Variants in SULF1 observed in about 807,000 individuals in gnomAD.
The protein encoded by SULF1 is extracellular sulfatase Sulf-1.
In SULF1, 46 loss-of-function variants were observed where a neutral mutation model predicts 110.5. The ratio of observed to expected loss-of-function variants is 0.42; its 90% CI spans 0.33 to 0.53. The LOEUF is 0.53. Among genes scored for constraint, SULF1 ranks in the 20% least tolerant of loss-of-function variants. The pLI is 0.12. For synonymous variants in SULF1, 371 were observed against 387.1 expected, an observed-to-expected ratio of 0.96 and a Z score of 0.49; for missense variants, 941 against 1,094.2, an observed-to-expected ratio of 0.86 and a Z score of 1.98.
intron 3 of SULF1, among the ~76,000 whole-genome samples, chr8:69,522,821 T>G (rs1401799818): frequency 2.0e-5 from 3 of 152,258 alleles, no homozygotes; most frequent in Middle Eastern, 3.4e-3. Context: ...ATTGGATTTA[T>G]CCATTGGAGG....
In SULF1 at chr8:69,640,808, G is replaced by A. The variant is rs868388161; in HGVS notation, c.2552G>A (p.Gly851Glu). Residue 851 changes from glycine to glutamate, a missense_variant and splice_region_variant, in exon 22 of 23, where the codon GGA becomes GAA. Gly to Glu is a moderately conservative substitution (Grantham distance 98). This residue lies in a region of SULF1 where 112 missense variants were observed against 133.5 expected (regional missense o/e 0.84). Coordinates refer to ENST00000402687, the MANE Select transcript of SULF1 (RefSeq NM_001128205.2). ...CNPRPKNLDV[G>E]NKDGGSYDLH... ...TTACTCTTGTATTTTCCTATATCAG[G>A]AAATAAAGATGGAGGAAGCTATGAC... 2 of 1,610,930 alleles carry A rather than the reference G, an allele frequency of 1.2e-6. No individual in the cohort carries two copies. The highest frequency in any genetic ancestry group is 1.1e-5 in the South Asian group (1 of 90,448).
At position 69,624,068 on chromosome 8, in the gene SULF1, C is replaced by G. The variant is rs199742300; in HGVS notation, c.1721C>G (p.Ala574Gly). Residue 574 changes from alanine (A) to glycine (G), a missense_variant, in exon 15 of 23, where the codon GCT (alanine) becomes GGT (glycine). Transcript: ENST00000402687. ...ELQVLQPRNI[A>G]KRHDEGHKGP... ...CAAGTGTTGCAACCAAGAAACATTGCTAAGCGTCATGATGAAGGCCACAAG... is the reference window on the plus strand; with the variant it reads ...CAAGTGTTGCAACCAAGAAACATTGGTAAGCGTCATGATGAAGGCCACAAG... The G allele has an allele frequency of 1.2e-6, 2 of 1,613,998 alleles. No individual in the cohort carries two copies. Among genetic ancestry groups the G allele is most frequent in the African/African-American group, 2.7e-5 (2 of 74,908 alleles).
intron 3 of SULF1, among the ~76,000 whole-genome samples, chr8:69,509,805 T>C (rs1034115239): frequency 6.6e-6 from 1 of 152,352 alleles, no homozygotes; most frequent in African/African-American, 2.4e-5. Flanking sequence ...TCAAATGTCA[T>C]ATACAGTATC....
chr8:69,532,381 T>C (rs1312259980), intron 3 of SULF1, among the ~76,000 whole-genome samples: 2 of 152,144 alleles, frequency 1.3e-5, no homozygotes, highest in African/African-American at 4.8e-5. Context: ...TTCAATTCTT[T>C]TTTTTTTAAA....
upstream of SULF1, among the ~76,000 whole-genome samples, chr8:69,491,648 A>G (rs1375539464): frequency 6.6e-6 from 1 of 152,238 alleles, no homozygotes; most frequent in Non-Finnish European, 1.5e-5. Context: ...TATTGCATAT[A>G]TCCGACAACC....
chr8:69,598,541 G>A (rs953215355), intron 8 of SULF1, among the ~76,000 whole-genome samples: 6 of 152,024 alleles, frequency 3.9e-5, no homozygotes, highest in Non-Finnish European at 7.4e-5. Flanking sequence ...ACAGGCGCCC[G>A]CCACCATGCC....
chr8:69,650,772 C>T lies in SULF1; in HGVS notation c.2586-7733C>T, dbSNP rs578174814. 9.9e-5 allele frequency among the ~76,000 whole-genome samples: 15 copies of T among 152,218 alleles called. No individual in the cohort carries two copies. In the South Asian group the frequency reaches 1.5e-3, roughly 15 times the overall value. On this transcript the variant is annotated intron_variant, in intron 22 of 22. Transcript: ENST00000402687. ...CACTGGTGTCCCTGCACCTGGATTC[C>T]GTGTACTTTTGAAGCATCCTCATCA...
chr8:69,521,207 T>A (rs1463885140), intron 3 of SULF1, among the ~76,000 whole-genome samples: 1 of 152,184 alleles, frequency 6.6e-6, no homozygotes, highest in Non-Finnish European at 1.5e-5. Flanking sequence ...ATGCATTCAT[T>A]AATTTAATAA....
chr8:69,628,572 A>G (rs1394491033), intron 18 of SULF1, among the ~76,000 whole-genome samples: 1 of 152,168 alleles, frequency 6.6e-6, no homozygotes, highest in African/African-American at 2.4e-5. Context: ...CTCTCGATGC[A>G]GTTGGTGTTC....
chr8:69,475,547 A>G (rs1809266675), intron 1 of SULF1, among the ~76,000 whole-genome samples: 1 of 152,146 alleles, frequency 6.6e-6, no homozygotes, highest in South Asian at 2.1e-4. Context: ...AAAGAGAGAA[A>G]AATACTGAGG....
In SULF1 at chr8:69,519,443, A is replaced by G. The variant is rs942357364; in HGVS notation, c.-134+17475A>G. On this transcript the variant is annotated intron_variant, in intron 3 of 22. Coordinates refer to ENST00000402687, the MANE Select transcript of SULF1 (RefSeq NM_001128205.2). ...TGTAACATGTGGGGTTTTTTTAAGC[A>G]ACTGAGAATAATCTATTAAATTACT... Among the ~76,000 whole-genome samples, 9 of 152,332 alleles carry G rather than the reference A, an allele frequency of 5.9e-5. No homozygotes were observed. The South Asian group carries it at 1.7e-3, about 28-fold the overall frequency.
intron 1 of SULF1, among the ~76,000 whole-genome samples, chr8:69,471,106 A>G (rs1047907952): frequency 2.0e-5 from 3 of 152,180 alleles, no homozygotes; most frequent in Admixed American, 1.3e-4. Context: ...TACCTCTTCC[A>G]GCAATGCTTT....
At chr8:69,526,855 A>G (rs140239135) in intron 3 of SULF1, among the ~76,000 whole-genome samples, 2 of 140,796 alleles carry the variant, frequency 1.4e-5, no homozygotes, top group South Asian at 2.3e-4. Context: ...GGAAGGAAGG[A>G]AGGAAAGAAG....
intron 3 of SULF1, among the ~76,000 whole-genome samples, chr8:69,513,813 A>G (rs1274139640): frequency 1.3e-5 from 2 of 152,250 alleles, no homozygotes; most frequent in African/African-American, 4.8e-5. Flanking sequence ...ACATTACAGA[A>G]AAGGAAAGAA....
chr8:69,501,440 A>G (rs373364901), intron 2 of SULF1, among the ~76,000 whole-genome samples: 10 of 152,244 alleles, frequency 6.6e-5, no homozygotes, highest in African/African-American at 2.2e-4. Context: ...TTTGCTAGTC[A>G]TCAAATAATA....
chr8:69,614,304 G>A (rs766850953), intron 13 of SULF1, among the ~76,000 whole-genome samples: 1 of 152,164 alleles, frequency 6.6e-6, no homozygotes, highest in Non-Finnish European at 1.5e-5. Flanking sequence ...AAGCCACACC[G>A]ATGAGTAAAA....
rs1034602485 is a variant in SULF1, at chr8:69,640,945, G to A, written c.2585+104G>A. The A allele has an allele frequency of 1.2e-5, 12 of 1,031,396 alleles. No homozygotes were observed. The African/African-American group carries it at 2.0e-4, about 17-fold the overall frequency. The allele number at this position is 1,031,396 out of a possible 1,614,324, so 63.9% of individuals were successfully genotyped here. A position where few individuals can be genotyped will look rare whatever the true frequency, so the allele number is the denominator to read the frequency against. ...TTCTTACCGTGTTGCACAGAGCAAA[G>A]CTGGGGGTGCATGCTTGTTCTAACA... On this transcript the variant is annotated intron_variant, in intron 22 of 22. Transcript: ENST00000402687.
intron 13 of SULF1, among the ~76,000 whole-genome samples, chr8:69,610,950 C>G (rs541877810): frequency 6.6e-6 from 1 of 152,312 alleles, no homozygotes; most frequent in East Asian, 1.9e-4. Flanking sequence ...CCCACTTTCT[C>G]ACTTGCATGG....
intron 15 of SULF1, among the ~76,000 whole-genome samples, chr8:69,626,750 G>C (rs1162440296): frequency 6.6e-6 from 1 of 152,258 alleles, no homozygotes; most frequent in Non-Finnish European, 1.5e-5. Flanking sequence ...CGCAAGGGCC[G>C]GCCGGCCTCT....
Sources: gnomAD v4.1 joint callset for allele counts (sites outside exome capture counted in the v4.1 genomes callset) on GRCh38, gnomAD v4.1.1 for gene constraint, gnomAD v4.1.1 regional missense constraint, MANE v1.5 for transcripts, NCBI Gene and HGNC (gene_info 2026-07-23, HGNC 2026-07-21) for gene names.